Variants in HS3ST2 observed in about 807,000 individuals in gnomAD.
HS3ST2 encodes heparan sulfate glucosamine 3-O-sulfotransferase 2.
Under a neutral mutation model 26.3 loss-of-function variants are expected in HS3ST2, and 17 were observed. That is an observed-to-expected ratio of 0.65 (90% CI 0.44 to 0.97). The LOEUF is 0.97. Ranked by LOEUF, HS3ST2 falls within the 50% of genes least tolerant of loss-of-function variation. The pLI, the probability that HS3ST2 is intolerant of heterozygous loss-of-function variation, is 0.00. For synonymous variants in HS3ST2, 237 were observed against 219.2 expected, an observed-to-expected ratio of 1.08 and a Z score of -0.72; for missense variants, 402 against 501.2, an observed-to-expected ratio of 0.80 and a Z score of 1.89.
rs148731633 is a variant in HS3ST2 at position 22,882,716 on chromosome 16, G to C, written c.486-32228G>C. Among the ~76,000 whole-genome samples, 927 of 150,786 alleles carry C rather than the reference G, an allele frequency of 6.1e-3. 10 individuals carry two copies. Among genetic ancestry groups the C allele is most frequent in the African/African-American group, 0.021 (880 of 41,030 alleles). ...ACTGCACTCCAGACTGGGTGACAGA[G>C]TGAGACTCCATCTTAAACAAACAAA... On this transcript the variant is annotated intron_variant, in intron 1 of 1. Coordinates refer to ENST00000261374, the MANE Select transcript of HS3ST2 (RefSeq NM_006043.2).
intron 1 of HS3ST2, among the ~76,000 whole-genome samples, chr16:22,829,188 T>C (rs1596606093): frequency 6.6e-6 from 1 of 152,174 alleles, no homozygotes; most frequent in East Asian, 1.9e-4. Context: ...CTGGGAACAG[T>C]GGCCAAGCTG....
rs146897842 is a variant in HS3ST2 at position 22,815,277 on chromosome 16, G to A, written c.485+182G>A. On this transcript the variant is annotated intron_variant, in intron 1 of 1. Coordinates refer to ENST00000261374, the MANE Select transcript of HS3ST2 (RefSeq NM_006043.2). Reference sequence around the variant, plus strand: ...AGAACTTCCCAGTGATAATCTAGACGGGCAGTTTCTGGAACTGCAAAGGGC... The same window carrying A: ...AGAACTTCCCAGTGATAATCTAGACAGGCAGTTTCTGGAACTGCAAAGGGC... Among the ~76,000 whole-genome samples the A allele has an allele frequency of 5.0e-3, 758 of 152,318 alleles. 8 individuals are homozygous for A. The highest frequency in any genetic ancestry group is 0.017 in the African/African-American group (722 of 41,576).
chr16:22,871,312 C>A (rs543716074), intron 1 of HS3ST2, among the ~76,000 whole-genome samples: 112 of 150,526 alleles, frequency 7.4e-4, no homozygotes, highest in African/African-American at 2.5e-3. Flanking sequence ...GCCAAGATTG[C>A]ACCACTGTAT....
intron 1 of HS3ST2, among the ~76,000 whole-genome samples, chr16:22,901,407 C>CT (rs1332153971): frequency 6.6e-6 from 1 of 152,152 alleles, no homozygotes; most frequent in African/African-American, 2.4e-5. Context: ...AATGCATACT[C>CT]TTAGCACCCC....
chr16:22,836,754 C>T (rs900440474), intron 1 of HS3ST2, among the ~76,000 whole-genome samples: 4 of 152,170 alleles, frequency 2.6e-5, no homozygotes, highest in Admixed American at 2.6e-4. Context: ...AGTGATTCTC[C>T]TGCCTCAGCC....
chr16:22,915,575 A>AAAGGGCTCTC lies in HS3ST2; in HGVS notation c.*23_*32dup. On this transcript the variant is annotated 3_prime_UTR_variant, in exon 2 of 2. Coordinates refer to ENST00000261374, the MANE Select transcript of HS3ST2 (RefSeq NM_006043.2). ...CAGGTGGGAATAAGCCCACGAAAGG[A>AAAGGGCTCTC]AAGGGCTCTCAAGGGCTCTTCTGCT... The AAAGGGCTCTC allele has an allele frequency of 6.2e-7, 1 of 1,605,882 alleles. No homozygotes were observed. Among genetic ancestry groups the AAAGGGCTCTC allele is most frequent in the Non-Finnish European group, 8.5e-7 (1 of 1,175,886 alleles).
At chr16:22,868,405 CAAAAAAAAAAAAA>C (rs77630354) in intron 1 of HS3ST2, among the ~76,000 whole-genome samples, 1 of 43,510 alleles carries the variant, frequency 2.3e-5, no homozygotes, top group Non-Finnish European at 4.9e-5. Flanking sequence ...AAGACTCCAT[CAAAAAAAAAAAAA>C]AAAAAAAAAA....
At chr16:22,846,145 C>T (rs970550277) in intron 1 of HS3ST2, among the ~76,000 whole-genome samples, 2 of 152,002 alleles carry the variant, frequency 1.3e-5, no homozygotes, top group Admixed American at 6.5e-5. Flanking sequence ...GGCATGGTGG[C>T]GAGTGCCTGT....
At position 22,832,343 on chromosome 16, in the gene HS3ST2, A is replaced by G. The variant is rs115023885; in HGVS notation, c.485+17248A>G. Reference sequence around the variant, plus strand: ...AAACTTTATTCAAGAAACATCCCTGATTATAGAACTCAGCAGCTGGTGAGC... The same window carrying G: ...AAACTTTATTCAAGAAACATCCCTGGTTATAGAACTCAGCAGCTGGTGAGC... On this transcript the variant is annotated intron_variant, in intron 1 of 1. Transcript: ENST00000261374. Among the ~76,000 whole-genome samples the G allele has an allele frequency of 5.8e-3, 881 of 152,146 alleles. 7 individuals are homozygous for G. Among genetic ancestry groups the G allele is most frequent in the Middle Eastern group, 0.024 (7 of 294 alleles).
intron 1 of HS3ST2, among the ~76,000 whole-genome samples, chr16:22,886,288 C>T (rs937786488): frequency 2.0e-5 from 3 of 152,154 alleles, no homozygotes; most frequent in African/African-American, 7.2e-5. Context: ...TTCTCTGATA[C>T]TAATGGGCAG....
intron 1 of HS3ST2, among the ~76,000 whole-genome samples, chr16:22,875,849 T>A (rs1335553907): frequency 6.6e-6 from 1 of 152,238 alleles, no homozygotes; most frequent in Non-Finnish European, 1.5e-5. Flanking sequence ...ACCATACATT[T>A]ACTGTTCTTT....
chr16:22,906,536 C>G (rs1035151397), intron 1 of HS3ST2, among the ~76,000 whole-genome samples: 3 of 152,200 alleles, frequency 2.0e-5, no homozygotes, highest in African/African-American at 7.2e-5. Flanking sequence ...CCACCAGCCA[C>G]AGGGCAGAGC....
At chr16:22,841,698 T>G (rs1338110608) in intron 1 of HS3ST2, among the ~76,000 whole-genome samples, 4 of 152,236 alleles carry the variant, frequency 2.6e-5, no homozygotes, top group Non-Finnish European at 5.9e-5. Context: ...AAAACAAGAT[T>G]GTAGATTTAT....
intron 1 of HS3ST2, among the ~76,000 whole-genome samples, chr16:22,836,366 G>A (rs576877887): frequency 6.6e-6 from 1 of 152,160 alleles, no homozygotes; most frequent in East Asian, 1.9e-4. Flanking sequence ...TGTACAGGAA[G>A]CACAGTGGCT....
At chr16:22,826,037 G>A (rs1901081115) in intron 1 of HS3ST2, among the ~76,000 whole-genome samples, 1 of 152,092 alleles carries the variant, frequency 6.6e-6, no homozygotes, top group Non-Finnish European at 1.5e-5. Flanking sequence ...AAAAAAAAAT[G>A]TTGTTTCAGA....
chr16:22,819,289 T>A (rs1441535363), intron 1 of HS3ST2, among the ~76,000 whole-genome samples: 3 of 151,834 alleles, frequency 2.0e-5, no homozygotes, highest in African/African-American at 7.3e-5. Flanking sequence ...ATGGCAATGA[T>A]GCCTGAACTG....
intron 1 of HS3ST2, among the ~76,000 whole-genome samples, chr16:22,892,819 G>A (rs1357121824): frequency 1.3e-5 from 2 of 151,942 alleles, no homozygotes; most frequent in South Asian, 4.2e-4. Flanking sequence ...CATCCCCCAC[G>A]GCTCTTCAAA....
chr16:22,870,886 T>C (rs1901827586), intron 1 of HS3ST2, among the ~76,000 whole-genome samples: 1 of 152,208 alleles, frequency 6.6e-6, no homozygotes, highest in Non-Finnish European at 1.5e-5. Context: ...AACTGTTAGA[T>C]ATAGATGATC....
chr16:22,847,830 AAAAT>A (rs902474484), intron 1 of HS3ST2, among the ~76,000 whole-genome samples: 5 of 151,288 alleles, frequency 3.3e-5, no homozygotes, highest in African/African-American at 1.2e-4. Flanking sequence ...AAGAAAGAAA[AAAAT>A]AAAGAAAAGG....
Sources: gnomAD v4.1 joint callset for allele counts (sites outside exome capture counted in the v4.1 genomes callset) on GRCh38, gnomAD v4.1.1 for gene constraint, MANE v1.5 for transcripts, NCBI Gene and HGNC (gene_info 2026-07-23, HGNC 2026-07-21) for gene names.